Variants in CLMN observed in about 807,000 individuals in gnomAD.
The protein encoded by CLMN is calmin (calponin-like, transmembrane).
In CLMN, 57 loss-of-function variants were observed where a neutral mutation model predicts 92.7. The ratio of observed to expected loss-of-function variants is 0.61; its 90% CI spans 0.50 to 0.77. The LOEUF is 0.77. Ranked by LOEUF, CLMN falls within the 30% of genes least tolerant of loss-of-function variation. The pLI is 0.00. For synonymous variants in CLMN, 466 were observed against 470.6 expected, an observed-to-expected ratio of 0.99 and a Z score of 0.13; for missense variants, 1,158 against 1,237.5, an observed-to-expected ratio of 0.94 and a Z score of 0.96.
intron 7 of CLMN, 84 bp from the exon 8 acceptor site, chr14:95,209,561 TC>T: frequency 9.5e-7 from 1 of 1,057,322 alleles, no homozygotes; most frequent in Non-Finnish European, 1.5e-6. Flanking sequence ...TGGTGAAGAA[TC>T]CCACAGATTA....
intron 1 of CLMN, among the ~76,000 whole-genome samples, chr14:95,304,431 G>T (rs1244831307): frequency 6.6e-6 from 1 of 152,068 alleles, no homozygotes; most frequent in Non-Finnish European, 1.5e-5. Context: ...AGTCCCAAAG[G>T]GTCGGGAATT....
intron 1 of CLMN, among the ~76,000 whole-genome samples, chr14:95,287,101 T>C (rs946011877): frequency 6.6e-6 from 1 of 152,238 alleles, no homozygotes; most frequent in Non-Finnish European, 1.5e-5. Flanking sequence ...CCTTGTGCCT[T>C]GCCTCCTATC....
intron 1 of CLMN, among the ~76,000 whole-genome samples, chr14:95,300,987 A>G (rs751938106): frequency 6.6e-6 from 1 of 152,232 alleles, no homozygotes; most frequent in Non-Finnish European, 1.5e-5. Flanking sequence ...GCAATATTTT[A>G]GAAAATAGAA....
chr14:95,196,928 A>G (rs1896733663), intron 9 of CLMN, among the ~76,000 whole-genome samples: 1 of 152,224 alleles, frequency 6.6e-6, no homozygotes, highest in Admixed American at 6.5e-5. Flanking sequence ...AGTTAAAACA[A>G]TATAGGTTCT....
chr14:95,221,921 C>T (rs983634703), intron 3 of CLMN, 147 bp from the exon 4 acceptor site: 2 of 657,326 alleles, frequency 3.0e-6, no homozygotes, highest in African/African-American at 1.8e-5. Context: ...ACCTGGAATG[C>T]ATCCAAACCC....
chr14:95,272,052 T>A (rs569068283), intron 1 of CLMN, among the ~76,000 whole-genome samples: 1 of 152,232 alleles, frequency 6.6e-6, no homozygotes, highest in African/African-American at 2.4e-5. Context: ...TCTCTGTTGA[T>A]GGGCATGCAT....
At chr14:95,193,599 C>A (rs1896614914) in intron 12 of CLMN, among the ~76,000 whole-genome samples, 1 of 152,208 alleles carries the variant, frequency 6.6e-6, no homozygotes, top group Non-Finnish European at 1.5e-5. Context: ...AGAACCCAGA[C>A]CCGTCTTTAA....
At chr14:95,206,012 T>A (rs1211770) in intron 8 of CLMN, among the ~76,000 whole-genome samples, 16,221 of 152,138 alleles carry the variant, frequency 0.11, 1,241 homozygotes, top group East Asian at 0.43. Context: ...TTTGTCAGAA[T>A]AAATACAAGA....
intron 1 of CLMN, among the ~76,000 whole-genome samples, chr14:95,295,705 G>A (rs1462754751): frequency 6.6e-6 from 1 of 152,206 alleles, no homozygotes; most frequent in Non-Finnish European, 1.5e-5. Context: ...GTTGACCAAA[G>A]GACCAGGCCA....
In CLMN at chr14:95,259,291, CAT is replaced by C. The variant is rs1484195380; in HGVS notation, c.83-29160_83-29159del. ...GTCAGTGGGAATGGAGGGGTAAACA[CAT>C]ATGTTTGGTTGGGAGATGCGACAGA... On this transcript the variant is annotated intron_variant, in intron 1 of 12. Coordinates refer to ENST00000298912, the MANE Select transcript of CLMN (RefSeq NM_024734.4). The surrounding 1 kb of genome is among the most constrained non-coding windows in gnomAD (Gnocchi z 4.3). Among the ~76,000 whole-genome samples the C allele has an allele frequency of 1.3e-5, 2 of 151,984 alleles. No homozygotes were observed. Among genetic ancestry groups the C allele is most frequent in the East Asian group, 1.9e-4 (1 of 5,184 alleles).
intron 1 of CLMN, among the ~76,000 whole-genome samples, chr14:95,254,443 C>T (rs752362670): frequency 6.6e-6 from 1 of 152,202 alleles, no homozygotes; most frequent in Non-Finnish European, 1.5e-5. Context: ...ATTCATAAAG[C>T]TCTGCACCCA....
At chr14:95,197,075 A>G (rs903541856) in intron 9 of CLMN, among the ~76,000 whole-genome samples, 3 of 152,108 alleles carry the variant, frequency 2.0e-5, no homozygotes, top group Admixed American at 1.3e-4. Context: ...CCACTATTCC[A>G]CAGGATTTCC....
At chr14:95,214,344 CTTTTTTTTT>C (rs140176893) in intron 5 of CLMN, among the ~76,000 whole-genome samples, 1 of 109,302 alleles carries the variant, frequency 9.1e-6, no homozygotes, top group African/African-American at 3.6e-5. Flanking sequence ...GCTGCTGCTG[CTTTTTTTTT>C]TTTTTTTTTT....
Position 95,191,895 on chromosome 14 carries a change from C to A in CLMN, c.2841-163G>T. 1 of 589,318 alleles carries A rather than the reference C, an allele frequency of 1.7e-6. No individual in the cohort carries two copies. The highest frequency in any genetic ancestry group is 3.4e-5 in the Admixed American group (1 of 29,624). The allele number at this position is 589,318 out of a possible 1,614,324, so 36.5% of individuals were successfully genotyped here. On this transcript the variant is annotated intron_variant, in intron 12 of 12. Transcript: ENST00000298912. This position sits in a 1 kb window ranked among gnomAD's most constrained non-coding sequence, Gnocchi z 5.3. ...AGGCCCCACACTGTGTGTACTGGCC[C>A]AAGGCAGTGCGTCGGGCCATCCAGG...
chr14:95,183,572 C>G lies in CLMN; in HGVS notation c.*7992G>C, dbSNP rs566917636. Reference sequence around the variant, plus strand: ...TTACACTGCCCTCAGGCCTTCTCTACTTTTCTTTTTGAAGGAGAAAGCCCA... The same window carrying G: ...TTACACTGCCCTCAGGCCTTCTCTAGTTTTCTTTTTGAAGGAGAAAGCCCA... On this transcript the variant is annotated 3_prime_UTR_variant, in exon 13 of 13. Transcript: ENST00000298912. 5 of 152,344 alleles carry G rather than the reference C, an allele frequency of 3.3e-5. No homozygotes were observed. The East Asian group carries it at 9.6e-4, about 29-fold the overall frequency. 9.4% of individuals were successfully genotyped at this position (152,344 alleles called of 1,614,324 possible). A position where few individuals can be genotyped will look rare whatever the true frequency, so the allele number is the denominator to read the frequency against.
rs1220592925 is a variant in CLMN at position 95,182,231 on chromosome 14, ACATTT to A, written c.*9328_*9332del. Reference sequence around the variant, plus strand: ...AAAATAATCCTTGTACTACAAAATAACATTTCATTTTCCTCAATAGTTTTCTTAGA... The same window carrying A: ...AAAATAATCCTTGTACTACAAAATAACATTTTCCTCAATAGTTTTCTTAGA... On this transcript the variant is annotated 3_prime_UTR_variant, in exon 13 of 13. Transcript: ENST00000298912. 2 of 152,252 alleles carry A rather than the reference ACATTT, an allele frequency of 1.3e-5. No individual in the cohort carries two copies. The highest frequency in any genetic ancestry group is 4.8e-5 in the African/African-American group (2 of 41,462). The allele number at this position is 152,252 out of a possible 1,614,324, so 9.4% of individuals were successfully genotyped here. A position where few individuals can be genotyped will look rare whatever the true frequency, so the allele number is the denominator to read the frequency against.
At chr14:95,313,480 G>A (rs560932684) in intron 1 of CLMN, among the ~76,000 whole-genome samples, 12 of 152,344 alleles carry the variant, frequency 7.9e-5, no homozygotes, top group Non-Finnish European at 2.9e-5. Context: ...GCCAGATTTG[G>A]CCTGTGGGCC....
intron 9 of CLMN, among the ~76,000 whole-genome samples, chr14:95,196,938 T>A (rs1896733913): frequency 6.6e-6 from 1 of 152,236 alleles, no homozygotes; most frequent in Non-Finnish European, 1.5e-5. Flanking sequence ...ATATAGGTTC[T>A]AGAGTTGGCA....
rs140182101 is a variant in CLMN, at chr14:95,227,362, G to A, written c.144+2710C>T. Among the ~76,000 whole-genome samples, 3 of 152,266 alleles carry A rather than the reference G, an allele frequency of 2.0e-5. No homozygotes were observed. In the East Asian group the frequency reaches 5.8e-4, roughly 29 times the overall value. ...GGCAACAGCGACTTTGAACCAAAAGGCAAATTATTTTCTTTGCAAACTGCC... is the reference window on the plus strand; with the variant it reads ...GGCAACAGCGACTTTGAACCAAAAGACAAATTATTTTCTTTGCAAACTGCC... On this transcript the variant is annotated intron_variant, in intron 2 of 12. Transcript: ENST00000298912.
Sources: gnomAD v4.1 joint callset for allele counts (sites outside exome capture counted in the v4.1 genomes callset) on GRCh38, gnomAD v4.1.1 for gene constraint, Gnocchi (gnomAD v3.1) non-coding constraint, MANE v1.5 for transcripts, NCBI Gene and HGNC (gene_info 2026-07-23, HGNC 2026-07-21) for gene names.